CFAP61: variants seen among roughly 807,000 people sequenced by gnomAD.
The protein encoded by CFAP61 is cilia and flagella associated protein 61, also known as cilia- and flagella-associated protein 61.
In CFAP61, 107 loss-of-function variants were observed where a neutral mutation model predicts 135.6. That is an observed-to-expected ratio of 0.79 (90% CI 0.67 to 0.93). The LOEUF (loss-of-function observed/expected upper bound fraction) is 0.93, where lower values mean the gene tolerates loss of function less well. CFAP61 is among the 40% of genes least tolerant of loss of function. The probability of loss-of-function intolerance (pLI) is 0.00; values close to 1 mark genes in which losing one functional copy is unlikely to be tolerated. For missense variants in CFAP61, 1,507 were observed against 1,556.2 expected (o/e 0.97, Z 0.53); for synonymous variants, 575 against 578.5 (o/e 0.99, Z 0.09).
intron 8 of CFAP61, among the ~76,000 whole-genome samples, chr20:20,117,256 A>G (rs1185339815): frequency 6.6e-6 from 1 of 152,182 alleles, no homozygotes; most frequent in East Asian, 1.9e-4. Flanking sequence ...AGGCAGGACA[A>G]TCACTTGAAA....
intron 25 of CFAP61, chr20:20,323,326 TACAG>T (rs1162973998): frequency 2.0e-6 from 2 of 984,672 alleles, no homozygotes; most frequent in Admixed American, 6.2e-5. Flanking sequence ...GAGTAAGAAA[TACAG>T]ACAGTCCCCT....
intron 10 of CFAP61, 92 bp from the exon 11 acceptor site, chr20:20,163,958 C>T (rs147807001): frequency 4.4e-5 from 45 of 1,026,672 alleles, no homozygotes; most frequent in South Asian, 1.8e-4. Flanking sequence ...GTCCTCAGAA[C>T]GGTGTCATGT....
intron 19 of CFAP61, among the ~76,000 whole-genome samples, chr20:20,249,122 C>G (rs145813989): frequency 1.4e-4 from 21 of 152,240 alleles, no homozygotes; most frequent in African/African-American, 5.1e-4. Flanking sequence ...ATTCATTCTA[C>G]TTAAAAAATA....
chr20:20,210,739 T>C (rs1426432585), intron 17 of CFAP61, among the ~76,000 whole-genome samples: 1 of 152,228 alleles, frequency 6.6e-6, no homozygotes, highest in African/African-American at 2.4e-5. Context: ...AGTAGATGCA[T>C]ATAGAATAAA....
intron 19 of CFAP61, among the ~76,000 whole-genome samples, chr20:20,246,457 T>C (rs998275729): frequency 2.0e-5 from 3 of 152,214 alleles, no homozygotes; most frequent in Admixed American, 6.5e-5. Flanking sequence ...TTCCAAACAA[T>C]TGGGGTGGAG....
chr20:20,135,235 A>G (rs555693286), intron 8 of CFAP61, among the ~76,000 whole-genome samples: 2 of 152,324 alleles, frequency 1.3e-5, no homozygotes, highest in Admixed American at 6.5e-5. Context: ...TGGAGTGAGC[A>G]TAGGCCTGCT....
intron 2 of CFAP61, among the ~76,000 whole-genome samples, chr20:20,058,696 T>G (rs1422359336): frequency 2.0e-5 from 3 of 152,224 alleles, no homozygotes; most frequent in African/African-American, 7.2e-5. Context: ...AGATCCATGT[T>G]AATTATTTAT....
At chr20:20,254,400 G>A (rs768162696) in intron 20 of CFAP61, among the ~76,000 whole-genome samples, 4 of 151,852 alleles carry the variant, frequency 2.6e-5, no homozygotes, top group South Asian at 2.1e-4. Flanking sequence ...CCACGACTGC[G>A]TACTTTGGAA....
Position 20,360,670 on chromosome 20 carries a change from G to A in CFAP61, c.*260G>A. 1 of 481,666 alleles carries A rather than the reference G, an allele frequency of 2.1e-6. No homozygotes were observed. 29.8% of individuals were successfully genotyped at this position (481,666 alleles called of 1,614,324 possible). A position where few individuals can be genotyped will look rare whatever the true frequency, so the allele number is the denominator to read the frequency against. ...TTCCTGTGCAGAATAATCCATTTCA[G>A]CAATAAAATGAGATCATAGTGTGTA... On this transcript the variant is annotated 3_prime_UTR_variant, in exon 27 of 27. Transcript: ENST00000245957.
chr20:20,308,311 A>G (rs2056599014), intron 25 of CFAP61, among the ~76,000 whole-genome samples: 2 of 152,198 alleles, frequency 1.3e-5, no homozygotes, highest in South Asian at 2.1e-4. Context: ...CGATGTAGCT[A>G]TCAGATGCGT....
rs141186571 is a variant in CFAP61 at position 20,298,058 on chromosome 20, A to C, written c.3217-123A>C. 17 of 668,976 alleles carry C rather than the reference A, an allele frequency of 2.5e-5. No homozygotes were observed. The East Asian group carries it at 4.6e-4, about 18-fold the overall frequency. 41.4% of individuals were successfully genotyped at this position (668,976 alleles called of 1,614,324 possible). ...AGTTTAGTCAATATCTATTACTGTT[A>C]TTTGCAAAGAGGGATAAGATATAAC... On this transcript the variant is annotated intron_variant, in intron 24 of 26. Coordinates refer to ENST00000245957, the MANE Select transcript of CFAP61 (RefSeq NM_015585.4).
At position 20,054,177 on chromosome 20, in the gene CFAP61, A is replaced by G. The variant is rs568155784; in HGVS notation, c.-37+1586A>G. 5.3e-5 allele frequency among the ~76,000 whole-genome samples: 8 copies of G among 151,436 alleles called. No homozygotes were observed. The South Asian group carries it at 1.7e-3, about 32-fold the overall frequency. On this transcript the variant is annotated intron_variant, in intron 1 of 26. Coordinates refer to ENST00000245957, the MANE Select transcript of CFAP61 (RefSeq NM_015585.4). ...TTCTTCTCAGAATATACCATCTCCTAGTTCTTTCTACAAGATTCTTTGAAT... is the reference window on the plus strand; with the variant it reads ...TTCTTCTCAGAATATACCATCTCCTGGTTCTTTCTACAAGATTCTTTGAAT...
chr20:20,189,670 G>T (rs2055776618), intron 14 of CFAP61, among the ~76,000 whole-genome samples: 1 of 152,210 alleles, frequency 6.6e-6, no homozygotes. Flanking sequence ...AAATAGCGAT[G>T]CCACTAGCCG....
At chr20:20,320,213 A>C (rs1234828925) in intron 25 of CFAP61, among the ~76,000 whole-genome samples, 1 of 148,646 alleles carries the variant, frequency 6.7e-6, no homozygotes, top group Non-Finnish European at 1.5e-5. Context: ...TGTTAAACAA[A>C]AATCTGTGCC....
At chr20:20,157,825 A>C (rs1172493823) in intron 9 of CFAP61, among the ~76,000 whole-genome samples, 1 of 152,216 alleles carries the variant, frequency 6.6e-6, no homozygotes, top group Admixed American at 6.5e-5. Flanking sequence ...TAAGAGAATG[A>C]AAAGACAAGC....
At chr20:20,232,709 T>C (rs1017977539) in intron 18 of CFAP61, 1 of 152,200 alleles carries the variant, frequency 6.6e-6, no homozygotes, top group Non-Finnish European at 1.5e-5. Flanking sequence ...GAAAGTTCCT[T>C]TTTAATCCAT....
intron 17 of CFAP61, among the ~76,000 whole-genome samples, chr20:20,226,963 C>G (rs1426541458): frequency 6.6e-6 from 1 of 152,222 alleles, no homozygotes; most frequent in Admixed American, 6.5e-5. Context: ...ATTATGGAGT[C>G]TGAATCTCCC....
chr20:20,289,042 C>T, intron 23 of CFAP61, 106 bp downstream of exon 23: 3 of 786,134 alleles, frequency 3.8e-6, no homozygotes, highest in Non-Finnish European at 4.0e-6. Context: ...AAAGGCTCCT[C>T]CGTACCTCAA....
Position 20,359,197 on chromosome 20 carries a change from C to A in CFAP61, c.3514-1013C>A, listed in dbSNP as rs1188233703. On this transcript the variant is annotated intron_variant, in intron 26 of 26. Coordinates refer to ENST00000245957, the MANE Select transcript of CFAP61 (RefSeq NM_015585.4). The surrounding 1 kb of genome is among the most constrained non-coding windows in gnomAD (Gnocchi z 4.0). ...ATTCTCAGCTTCAAACAACTTTATTCTTTCTGAGCCCTACCTTTTTAAATA... is the reference window on the plus strand; with the variant it reads ...ATTCTCAGCTTCAAACAACTTTATTATTTCTGAGCCCTACCTTTTTAAATA... 6.6e-6 allele frequency among the ~76,000 whole-genome samples: 1 copy of A among 152,168 alleles called. No individual in the cohort carries two copies. Among genetic ancestry groups the A allele is most frequent in the East Asian group, 1.9e-4 (1 of 5,200 alleles).
Sources: gnomAD v4.1 joint callset for allele counts (sites outside exome capture counted in the v4.1 genomes callset) on GRCh38, gnomAD v4.1.1 for gene constraint, Gnocchi (gnomAD v3.1) non-coding constraint, MANE v1.5 for transcripts, NCBI Gene and HGNC (gene_info 2026-07-23, HGNC 2026-07-21) for gene names.